Variants in RAB3GAP1 observed in about 807,000 individuals in gnomAD.
RAB3GAP1 encodes RAB3 GTPase activating protein catalytic subunit 1, also known as rab3 GTPase-activating protein catalytic subunit.
A neutral mutation model predicts 130.7 loss-of-function variants in RAB3GAP1; 86 were observed. That is an observed-to-expected ratio of 0.66 (90% CI 0.55 to 0.79). The LOEUF is 0.79. Among genes scored for constraint, RAB3GAP1 ranks in the 30% least tolerant of loss-of-function variants. RAB3GAP1 has a pLI of 0.00. For synonymous variants in RAB3GAP1, 367 were observed against 401.7 expected (o/e 0.91, Z 1.03); for missense variants, 1,029 against 1,169.4 (o/e 0.88, Z 1.75).
intron 5 of RAB3GAP1, among the ~76,000 whole-genome samples, chr2:135,112,086 ACTC>A (rs1690818754): frequency 2.0e-5 from 3 of 152,170 alleles, no homozygotes; most frequent in Admixed American, 6.5e-5. Context: ...TGGCCATACA[ACTC>A]CTGGGGCCAC....
chr2:135,060,871 A>G (rs1689149823), intron 3 of RAB3GAP1, among the ~76,000 whole-genome samples: 1 of 151,350 alleles, frequency 6.6e-6, no homozygotes, highest in Admixed American at 6.6e-5. Flanking sequence ...TTGCCTGGCT[A>G]TTTTTGTGTT....
At chr2:135,124,781 C>T (rs1238937561) in intron 9 of RAB3GAP1, among the ~76,000 whole-genome samples, 1 of 152,080 alleles carries the variant, frequency 6.6e-6, no homozygotes, top group African/African-American at 2.4e-5. Context: ...CCAAATCTGG[C>T]CATTAGCCTA....
intron 11 of RAB3GAP1, among the ~76,000 whole-genome samples, chr2:135,128,207 T>A (rs1401272250): frequency 6.6e-6 from 1 of 152,224 alleles, no homozygotes; most frequent in Non-Finnish European, 1.5e-5. Flanking sequence ...AGTCCACCAT[T>A]GGTGAATTTG....
chr2:135,126,156 T>C, intron 9 of RAB3GAP1, 25 bp from the exon 10 acceptor site: 1 of 1,555,398 alleles, frequency 6.4e-7, no homozygotes, highest in Non-Finnish European at 8.9e-7. Context: ...TATTAAAGCT[T>C]TTGGGTATAT....
intron 3 of RAB3GAP1, among the ~76,000 whole-genome samples, chr2:135,069,603 G>A (rs1689412973): frequency 6.6e-6 from 1 of 152,036 alleles, no homozygotes; most frequent in Admixed American, 6.6e-5. Flanking sequence ...TGTTTACAGG[G>A]TAGCAAATAA....
rs768621734 is a variant in RAB3GAP1, at chr2:135,120,331, CTT to C, written c.649-481_649-480del. On this transcript the variant is annotated intron_variant, in intron 7 of 23. Transcript: ENST00000264158. The stretch of plus-strand genomic sequence containing the variant: ...TAAAGCTATGGCATTGTTTTTGAAA[CTT>C]TTTTTTAGCTACATCAAATGAAAAC... Among the ~76,000 whole-genome samples, 4 of 152,018 alleles carry C rather than the reference CTT, an allele frequency of 2.6e-5. No individual in the cohort carries two copies. In the East Asian group the frequency reaches 7.7e-4, roughly 29 times the overall value.
chr2:135,172,287 T>A (rs1292157579), downstream of RAB3GAP1, among the ~76,000 whole-genome samples: 4 of 151,046 alleles, frequency 2.6e-5, no homozygotes, highest in Non-Finnish European at 5.9e-5. Flanking sequence ...AAAAAAAAAT[T>A]AGCTGGGCAT....
intron 5 of RAB3GAP1, among the ~76,000 whole-genome samples, chr2:135,109,572 A>T (rs1690735597): frequency 6.6e-6 from 1 of 151,704 alleles, no homozygotes; most frequent in African/African-American, 2.4e-5. Context: ...CTCCAAAAAA[A>T]ATTTTTTTTT....
intron 17 of RAB3GAP1, among the ~76,000 whole-genome samples, chr2:135,146,605 T>C (rs1028471047): frequency 1.3e-5 from 2 of 152,166 alleles, no homozygotes; most frequent in African/African-American, 4.8e-5. Context: ...CAGAACTGGA[T>C]TAATATCCTG....
At chr2:135,067,887 T>A (rs748770848) in intron 3 of RAB3GAP1, among the ~76,000 whole-genome samples, 7 of 152,172 alleles carry the variant, frequency 4.6e-5, no homozygotes, top group Non-Finnish European at 1.0e-4. Context: ...CATGCCACCA[T>A]GCCCAGCTAA....
chr2:135,055,879 C>G (rs1462614480), intron 2 of RAB3GAP1, among the ~76,000 whole-genome samples: 1 of 152,006 alleles, frequency 6.6e-6, no homozygotes. Flanking sequence ...CTCTGTCGCC[C>G]AGGCTGGAGT....
At chr2:135,113,392 T>C (rs143280282) in intron 6 of RAB3GAP1, 122 bp downstream of exon 6, 1 of 1,299,584 alleles carries the variant, frequency 7.7e-7, no homozygotes, top group Admixed American at 1.9e-5. Context: ...ATATATATTG[T>C]TAAACTAAAT....
chr2:135,130,567 C>T lies in RAB3GAP1; in HGVS notation c.1082C>T (p.Thr361Ile). 1 of 1,613,186 alleles carries T rather than the reference C, an allele frequency of 6.2e-7. No individual in the cohort carries two copies. The highest frequency in any genetic ancestry group is 8.5e-7 in the Non-Finnish European group (1 of 1,179,366). The stretch of plus-strand genomic sequence containing the variant: ...CTTTTTATAGAAACTGCTGATATAA[C>T]TCATGCTTTGTCAAAATTGACAGAG... Reference protein sequence around the residue: ...EEEGKETADITHALSKLTEPA... With the variant: ...EEEGKETADIIHALSKLTEPA... Residue 361 changes from threonine to isoleucine, a missense_variant, in exon 13 of 24, where the codon ACT (threonine) becomes ATT (isoleucine). Around this residue, in one of 3 missense-constraint regions of RAB3GAP1, gnomAD observed 510 missense variants for 532.1 expected, o/e 0.96. Coordinates refer to ENST00000264158, the MANE Select transcript of RAB3GAP1 (RefSeq NM_012233.3).
intron 19 of RAB3GAP1, among the ~76,000 whole-genome samples, chr2:135,157,482 G>A (rs567864097): frequency 4.6e-5 from 7 of 152,250 alleles, no homozygotes; most frequent in South Asian, 2.1e-4. Flanking sequence ...GTGATTTATC[G>A]ACACATCAAA....
chr2:135,073,321 C>A (rs188090513), intron 3 of RAB3GAP1, among the ~76,000 whole-genome samples: 2 of 152,216 alleles, frequency 1.3e-5, no homozygotes, highest in East Asian at 3.9e-4. Flanking sequence ...AGCTCTTGAA[C>A]CCAAAAGGGA....
chr2:135,056,635 T>C (rs1441106045), intron 2 of RAB3GAP1, among the ~76,000 whole-genome samples: 1 of 152,210 alleles, frequency 6.6e-6, no homozygotes, highest in African/African-American at 2.4e-5. Context: ...GTAAATATAG[T>C]ATACATTTCA....
chr2:135,131,693 C>T (rs143984121), intron 13 of RAB3GAP1, among the ~76,000 whole-genome samples: 2 of 152,336 alleles, frequency 1.3e-5, no homozygotes, highest in East Asian at 3.9e-4. Context: ...GTCTGCATGA[C>T]TTACTGCATG....
At chr2:135,101,730 T>G (rs746003070) in intron 5 of RAB3GAP1, among the ~76,000 whole-genome samples, 1 of 152,246 alleles carries the variant, frequency 6.6e-6, no homozygotes, top group Non-Finnish European at 1.5e-5. Flanking sequence ...GTAATTGATC[T>G]TAATGATGTG....
chr2:135,145,114 A>G (rs1424081912), intron 17 of RAB3GAP1, among the ~76,000 whole-genome samples: 1 of 152,182 alleles, frequency 6.6e-6, no homozygotes, highest in African/African-American at 2.4e-5. Context: ...TATGGGGTAC[A>G]TATGCTATTT....
Sources: gnomAD v4.1 joint callset for allele counts (sites outside exome capture counted in the v4.1 genomes callset) on GRCh38, gnomAD v4.1.1 for gene constraint, gnomAD v4.1.1 regional missense constraint, MANE v1.5 for transcripts, NCBI Gene and HGNC (gene_info 2026-07-23, HGNC 2026-07-21) for gene names.